Variants in FAM135B observed in about 807,000 individuals in gnomAD.
FAM135B encodes family with sequence similarity 135 member B, also known as protein FAM135B.
A neutral mutation model predicts 127.7 loss-of-function variants in FAM135B; 43 were observed. The observed-to-expected ratio is 0.34, with a 90% CI of 0.26 to 0.43. FAM135B has a LOEUF of 0.43. Among genes scored for constraint, FAM135B ranks in the 20% least tolerant of loss-of-function variants. The pLI is 1.00. For missense variants in FAM135B, 1,558 were observed against 1,725.6 expected (o/e 0.90, Z 1.72); for synonymous variants, 670 against 665.1 (o/e 1.01, Z -0.11).
rs552174498 is a variant in FAM135B at position 138,422,933 on chromosome 8, CAT to C, written c.-19-54933_-19-54932del. On this transcript the variant is annotated intron_variant, in intron 1 of 19. Transcript: ENST00000395297. ...TATACACCATGGAATACGATGCAAT[CAT>C]AAAAGAGAATGAAATCATGTTCTTT... is the stretch of plus-strand genomic sequence containing the variant. Among the ~76,000 whole-genome samples, 119 of 152,250 alleles carry C rather than the reference CAT, an allele frequency of 7.8e-4. 1 individual carries two copies. The highest frequency in any genetic ancestry group is 1.6e-3 in the Admixed American group (24 of 15,292).
rs1815424327 is a variant in FAM135B, at chr8:138,497,004, G to T, written c.-353C>A. The stretch of plus-strand genomic sequence containing the variant: ...CGAGCAGGCGCCAGGACGCGAGGCT[G>T]TCAGCGCGGTCGGGGGAACGCAGCC... On this transcript the variant is annotated 5_prime_UTR_variant, in exon 1 of 20. Transcript: ENST00000395297. 6.6e-6 allele frequency among the ~76,000 whole-genome samples: 1 copy of T among 151,998 alleles called. No homozygotes were observed. Among genetic ancestry groups the T allele is most frequent in the Admixed American group, 6.5e-5 (1 of 15,278 alleles).
At chr8:138,309,858 C>CTTTTTTTTTT (rs145453026) in intron 3 of FAM135B, among the ~76,000 whole-genome samples, 2 of 86,756 alleles carry the variant, frequency 2.3e-5, no homozygotes, top group East Asian at 6.8e-4. Flanking sequence ...AGTCTTTCTA[C>CTTTTTTTTTT]TTTTTTTTTT....
At chr8:138,338,622 G>T (rs1336088450) in intron 2 of FAM135B, among the ~76,000 whole-genome samples, 1 of 149,996 alleles carries the variant, frequency 6.7e-6, no homozygotes, top group Non-Finnish European at 1.5e-5. Flanking sequence ...AGGTGCTGGA[G>T]AGGATGTGGA....
intron 1 of FAM135B, among the ~76,000 whole-genome samples, chr8:138,431,089 A>G (rs994083402): frequency 2.0e-5 from 3 of 152,238 alleles, no homozygotes; most frequent in Non-Finnish European, 4.4e-5. Context: ...ACAGGTATAC[A>G]CCAGAATTTA....
chr8:138,408,976 T>A (rs369226697), intron 1 of FAM135B, among the ~76,000 whole-genome samples: 1 of 152,232 alleles, frequency 6.6e-6, no homozygotes, highest in East Asian at 1.9e-4. Flanking sequence ...TGCTTGCTTT[T>A]CATCTGTTAA....
intron 13 of FAM135B, among the ~76,000 whole-genome samples, chr8:138,150,926 TAGA>T (rs1334666437): frequency 1.3e-5 from 2 of 152,002 alleles, no homozygotes; most frequent in African/African-American, 4.8e-5. Flanking sequence ...TAGATTCACA[TAGA>T]AGAAATGCAG....
In FAM135B at chr8:138,173,518, G is replaced by A. The variant is rs184582215; in HGVS notation, c.1103+3829C>T. 1.8e-3 allele frequency among the ~76,000 whole-genome samples: 268 copies of A among 152,218 alleles called. 3 individuals are homozygous for A. The highest frequency in any genetic ancestry group is 6.1e-3 in the African/African-American group (253 of 41,540). On this transcript the variant is annotated intron_variant, in intron 11 of 19. Coordinates refer to ENST00000395297, the MANE Select transcript of FAM135B (RefSeq NM_015912.4). ...TCCCTAGTTTCTTCTTCTTTAAAGT[G>A]GGGAGAATAATAGTACCTACCTCAT...
intron 3 of FAM135B, among the ~76,000 whole-genome samples, chr8:138,289,519 T>C (rs773793846): frequency 1.3e-5 from 2 of 152,228 alleles, no homozygotes; most frequent in Non-Finnish European, 2.9e-5. Flanking sequence ...AGCTCGGTGG[T>C]ATCTTCCCAG....
At chr8:138,482,755 T>C (rs1001397315) in intron 1 of FAM135B, among the ~76,000 whole-genome samples, 18 of 152,218 alleles carry the variant, frequency 1.2e-4, no homozygotes, top group Non-Finnish European at 7.3e-5. Flanking sequence ...CCAATGCCAG[T>C]AGCAAAGTTA....
chr8:138,382,367 G>A (rs1405315729), intron 1 of FAM135B, among the ~76,000 whole-genome samples: 1 of 152,134 alleles, frequency 6.6e-6, no homozygotes, highest in African/African-American at 2.4e-5. Context: ...TCTTTCTCCA[G>A]GGCTACAGCA....
At chr8:138,495,044 G>A (rs1193239533) in intron 1 of FAM135B, among the ~76,000 whole-genome samples, 1 of 152,198 alleles carries the variant, frequency 6.6e-6, no homozygotes, top group Non-Finnish European at 1.5e-5. Context: ...GTGAGTCACT[G>A]ACTAATATTT....
chr8:138,283,903 C>G (rs915559927), intron 3 of FAM135B, among the ~76,000 whole-genome samples: 1 of 151,698 alleles, frequency 6.6e-6, no homozygotes, highest in Non-Finnish European at 1.5e-5. Context: ...CCATTCCAAG[C>G]AGAGGGAACA....
chr8:138,226,150 C>CGTGTGT (rs72185111), intron 7 of FAM135B, among the ~76,000 whole-genome samples: 1,460 of 133,536 alleles, frequency 0.011, 17 homozygotes, highest in East Asian at 0.024. Flanking sequence ...GGGGACCCAC[C>CGTGTGT]GTGTGTGTGT....
intron 1 of FAM135B, among the ~76,000 whole-genome samples, chr8:138,474,301 T>G (rs1213151740): frequency 6.6e-6 from 1 of 152,122 alleles, no homozygotes; most frequent in East Asian, 1.9e-4. Flanking sequence ...CCATTAACGG[T>G]GGAACCTAGG....
At chr8:138,339,396 C>T (rs981523436) in intron 2 of FAM135B, among the ~76,000 whole-genome samples, 2 of 144,488 alleles carry the variant, frequency 1.4e-5, no homozygotes, top group African/African-American at 5.4e-5. Flanking sequence ...TTAAAATCTC[C>T]AATGTAAACT....
intron 1 of FAM135B, among the ~76,000 whole-genome samples, chr8:138,422,778 A>G (rs1012014924): frequency 3.9e-5 from 6 of 152,232 alleles, no homozygotes; most frequent in African/African-American, 1.4e-4. Context: ...ATCCAATTGA[A>G]TATAAATTGT....
At chr8:138,409,488 T>C (rs1003206734) in intron 1 of FAM135B, among the ~76,000 whole-genome samples, 1 of 151,948 alleles carries the variant, frequency 6.6e-6, no homozygotes, top group Non-Finnish European at 1.5e-5. Context: ...CACATGCTGT[T>C]GGAAAAAAAT....
At chr8:138,463,519 A>G (rs10095186) in intron 1 of FAM135B, among the ~76,000 whole-genome samples, 71,271 of 152,014 alleles carry the variant, frequency 0.47, 18,082 homozygotes, top group East Asian at 0.84. Context: ...CCTCCAGGCC[A>G]CAGCATCTGT....
At chr8:138,405,120 G>A (rs749916240) in intron 1 of FAM135B, among the ~76,000 whole-genome samples, 2 of 152,116 alleles carry the variant, frequency 1.3e-5, no homozygotes, top group Non-Finnish European at 2.9e-5. Flanking sequence ...CAGAATTGAT[G>A]TTGTGCTAGC....
Sources: allele counts gnomAD v4.1 joint callset (sites outside exome capture counted in the v4.1 genomes callset), GRCh38; gene constraint gnomAD v4.1.1; transcripts MANE v1.5; gene names NCBI Gene and HGNC (gene_info 2026-07-23, HGNC 2026-07-21).